TRAM1: variants seen among roughly 807,000 people sequenced by gnomAD.
The protein encoded by TRAM1 is translocation associated membrane protein 1, also known as translocating chain-associated membrane protein 1.
TRAM1 carries 17 observed loss-of-function variants against 48.7 expected under a neutral mutation model. The ratio of observed to expected loss-of-function variants is 0.35; its 90% CI spans 0.24 to 0.52. TRAM1 has a LOEUF of 0.52. TRAM1 is among the 20% of genes least tolerant of loss of function. The pLI is 0.94. For synonymous variants in TRAM1, 182 were observed against 154.0 expected (o/e 1.18, Z -1.34); for missense variants, 351 against 441.5 (o/e 0.79, Z 1.84).
rs932959639 is a variant in TRAM1, at chr8:70,583,849, T to C, written c.747-56A>G. ...TGAAATCTCAAAAACAAGATTCTATTAGAAATTAGATTCCTAAGTTGGGCG... is the reference window on the plus strand; with the variant it reads ...TGAAATCTCAAAAACAAGATTCTATCAGAAATTAGATTCCTAAGTTGGGCG... On this transcript the variant is annotated intron_variant, in intron 8 of 10. Transcript: ENST00000262213. The C allele has an allele frequency of 1.6e-5, 24 of 1,507,948 alleles. No individual in the cohort carries two copies. In the East Asian group the frequency reaches 4.8e-4, roughly 30 times the overall value. The allele number at this position is 1,507,948 out of a possible 1,614,324, so 93.4% of individuals were successfully genotyped here. A position where few individuals can be genotyped will look rare whatever the true frequency, so the allele number is the denominator to read the frequency against.
At chr8:70,594,627 G>A in intron 5 of TRAM1, 37 bp from the exon 6 acceptor site, 1 of 1,497,414 alleles carries the variant, frequency 6.7e-7, no homozygotes, top group Non-Finnish European at 9.0e-7. Context: ...ACCTTTTAAA[G>A]CATAATTTTT....
At chr8:70,601,830 G>A (rs1421300839) in intron 1 of TRAM1, among the ~76,000 whole-genome samples, 2 of 152,216 alleles carry the variant, frequency 1.3e-5, no homozygotes, top group African/African-American at 4.8e-5. Context: ...ATTTCTGGGA[G>A]ATGAGCAGTA....
chr8:70,602,737 T>C (rs148522062), intron 1 of TRAM1, among the ~76,000 whole-genome samples: 39 of 152,298 alleles, frequency 2.6e-4, no homozygotes, highest in African/African-American at 8.4e-4. Flanking sequence ...ATTTGCAATA[T>C]TATCTACTAG....
chr8:70,587,185 A>G lies in TRAM1; in HGVS notation c.571-9T>C, dbSNP rs1817242209. On this transcript the variant is annotated splice_polypyrimidine_tract_variant and intron_variant, in intron 6 of 10. Transcript: ENST00000262213. ...TGACGAGGAATATCTTCCTGTAAAA[A>G]AATACATTATAGATTAAAACATGCT... 2 of 1,611,468 alleles carry G rather than the reference A, an allele frequency of 1.2e-6. No individual in the cohort carries two copies. Among genetic ancestry groups the G allele is most frequent in the African/African-American group, 2.7e-5 (2 of 74,846 alleles).
intron 1 of TRAM1, among the ~76,000 whole-genome samples, chr8:70,603,303 T>TACACACACACACACAC (rs35864770): frequency 1.3e-5 from 2 of 149,978 alleles, no homozygotes; most frequent in African/African-American, 2.5e-5. Context: ...ATATGTTTTA[T>TACACACACACACACAC]ACACACACAC....
chr8:70,575,912 A>G (rs1243454617), intron 10 of TRAM1, among the ~76,000 whole-genome samples: 1 of 151,954 alleles, frequency 6.6e-6, no homozygotes, highest in Non-Finnish European at 1.5e-5. Context: ...TGCCATCTCT[A>G]CTAAAAATAC....
Position 70,608,190 on chromosome 8 carries a change from G to T in TRAM1, c.10C>A (p.Arg4Ser). 1 of 1,588,424 alleles carries T rather than the reference G, an allele frequency of 6.3e-7. No individual in the cohort carries two copies. Among genetic ancestry groups the T allele is most frequent in the South Asian group, 1.1e-5 (1 of 88,816 alleles). The change falls in exon 1 of 11, where the codon CGC becomes AGC. Residue 4 changes from arginine to serine, a missense_variant. Transcript: ENST00000262213. The part of the protein sequence containing the change: MAI[R>S]KKSTKSPPVL... ...GGGGGGCTCTTGGTGCTTTTCTTGC[G>T]AATCGCCATGGTGGGGCCGCCGCCC...
chr8:70,576,101 CA>C (rs966210901), intron 10 of TRAM1, among the ~76,000 whole-genome samples: 72 of 131,088 alleles, frequency 5.5e-4, no homozygotes, highest in African/African-American at 1.7e-3. Flanking sequence ...AAAAACCACA[CA>C]AAAAAAAACC....
chr8:70,593,842 T>C (rs1423494659), intron 6 of TRAM1, among the ~76,000 whole-genome samples: 1 of 151,926 alleles, frequency 6.6e-6, no homozygotes, highest in African/African-American at 2.4e-5. Flanking sequence ...AGGGAGCCAA[T>C]ACAGGTTTCA....
rs1371394320 is a variant in TRAM1 at position 70,574,534 on chromosome 8, A to AGAT, written c.*395_*397dup. 5 of 196,588 alleles carry AGAT rather than the reference A, an allele frequency of 2.5e-5. No individual in the cohort carries two copies. The South Asian group carries it at 3.5e-4, about 14-fold the overall frequency. 12.2% of individuals were successfully genotyped at this position (196,588 alleles called of 1,614,324 possible). On this transcript the variant is annotated 3_prime_UTR_variant, in exon 11 of 11. Transcript: ENST00000262213. ...TATAGTATTTCCATGTTACCCTGAAAGATAACTTAAAAAATATGGCCTTCT... is the reference window on the plus strand; with the variant it reads ...TATAGTATTTCCATGTTACCCTGAAAGATGATAACTTAAAAAATATGGCCTTCT...
chr8:70,584,844 G>C (rs545210650), intron 8 of TRAM1, among the ~76,000 whole-genome samples: 63 of 152,094 alleles, frequency 4.1e-4, no homozygotes, highest in Admixed American at 1.4e-3. Flanking sequence ...CATGAAAATG[G>C]TCATACTGCC....
At chr8:70,577,251 C>A (rs758349440) in intron 10 of TRAM1, among the ~76,000 whole-genome samples, 3 of 152,128 alleles carry the variant, frequency 2.0e-5, no homozygotes, top group African/African-American at 7.2e-5. Flanking sequence ...CTAGGCACCA[C>A]GGATGGCAGG....
chr8:70,606,627 G>A (rs536435360), intron 1 of TRAM1, among the ~76,000 whole-genome samples: 1 of 152,108 alleles, frequency 6.6e-6, no homozygotes, highest in Admixed American at 6.5e-5. Context: ...GGGTCACCCA[G>A]TAGGTAGGTG....
At position 70,594,568 on chromosome 8, in the gene TRAM1, T is replaced by C. The variant is rs545659000; in HGVS notation, c.508A>G (p.Ile170Val). The C allele has an allele frequency of 2.9e-5, 47 of 1,598,810 alleles. No homozygotes were observed. The Admixed American group carries it at 4.3e-4, about 15-fold the overall frequency. ...TGAAGCCAGTAAGCCAGCTGTGATA[T>C]GTAGAAAAACTTCATTTGAAATCTG... ...LMTFQMKFFYISQLAYWLHAF... is the reference protein window; with the variant it reads ...LMTFQMKFFYVSQLAYWLHAF... The change falls in exon 6 of 11, where the codon ATA becomes GTA. Residue 170 changes from isoleucine to valine, a missense_variant. Ile to Val is a conservative substitution (Grantham distance 29). Transcript: ENST00000262213.
intron 4 of TRAM1, among the ~76,000 whole-genome samples, chr8:70,597,287 C>A (rs1304512445): frequency 6.6e-6 from 1 of 152,110 alleles, no homozygotes; most frequent in Non-Finnish European, 1.5e-5. Flanking sequence ...AACACTGGGG[C>A]TGTTTTTAAA....
intron 1 of TRAM1, among the ~76,000 whole-genome samples, chr8:70,602,079 TAA>T (rs1478164770): frequency 6.6e-6 from 1 of 151,922 alleles, no homozygotes; most frequent in African/African-American, 2.4e-5. Flanking sequence ...GAGAAAGAAA[TAA>T]AAAGAGCTTG....
intron 1 of TRAM1, chr8:70,606,829 AT>A (rs1331453845): frequency 2.4e-5 from 22 of 909,094 alleles, no homozygotes; most frequent in Non-Finnish European, 2.9e-5. Flanking sequence ...TAATTTTAAA[AT>A]TAAAAAAAAA....
chr8:70,598,303 T>C, intron 2 of TRAM1, 48 bp from the exon 3 acceptor site: 1 of 1,545,804 alleles, frequency 6.5e-7, no homozygotes, highest in Non-Finnish European at 8.7e-7. Flanking sequence ...CACAAGGTTA[T>C]AAAAACAGCA....
In TRAM1 at chr8:70,583,344, A is replaced by G. The variant is rs1171018451; in HGVS notation, c.891-20T>C. 1 of 1,607,142 alleles carries G rather than the reference A, an allele frequency of 6.2e-7. No individual in the cohort carries two copies. The highest frequency in any genetic ancestry group is 2.2e-5 in the East Asian group (1 of 44,724). On this transcript the variant is annotated intron_variant, in intron 9 of 10. Transcript: ENST00000262213. ...GCGATTCTAAGAAATATTAAGACAT[A>G]AAAAGTTAGTGTATAAAAAACAATG...
Sources: allele counts gnomAD v4.1 joint callset (sites outside exome capture counted in the v4.1 genomes callset), GRCh38; gene constraint gnomAD v4.1.1; transcripts MANE v1.5; gene names NCBI Gene and HGNC (gene_info 2026-07-23, HGNC 2026-07-21).